The following ADAMTS17 variants were observed in gnomAD, a reference collection of about 807,000 sequenced individuals.
ADAMTS17 encodes the protein ADAM metallopeptidase with thrombospondin type 1 motif 17.
Under a neutral mutation model 141.5 loss-of-function variants are expected in ADAMTS17, and 113 were observed. The ratio of observed to expected loss-of-function variants is 0.80; its 90% CI spans 0.69 to 0.93. The LOEUF (loss-of-function observed/expected upper bound fraction) is 0.93, where lower values mean the gene tolerates loss of function less well. Ranked by LOEUF, ADAMTS17 falls within the 40% of genes least tolerant of loss-of-function variation. The probability of loss-of-function intolerance (pLI) is 0.00; values close to 1 mark genes in which losing one functional copy is unlikely to be tolerated. For synonymous variants in ADAMTS17, 768 were observed against 630.6 expected (o/e 1.22, Z -3.27); for missense variants, 1,659 against 1,517.9 (o/e 1.09, Z -1.54).
chr15:100,161,449 T>C (rs2039689961), intron 8 of ADAMTS17, among the ~76,000 whole-genome samples: 1 of 152,182 alleles, frequency 6.6e-6, no homozygotes, highest in African/African-American at 2.4e-5. Flanking sequence ...GAGCTTGGGC[T>C]CCCGTGAACA....
intron 18 of ADAMTS17, among the ~76,000 whole-genome samples, chr15:100,022,914 G>A (rs2573688): frequency 0.17 from 26,467 of 152,114 alleles, 3,313 homozygotes; most frequent in African/African-American, 0.35. Context: ...TCATCCATAT[G>A]CTTTTGAGAC....
At chr15:100,026,600 G>A (rs28691224) in intron 18 of ADAMTS17, among the ~76,000 whole-genome samples, 6,507 of 152,290 alleles carry the variant, frequency 0.043, 462 homozygotes, top group African/African-American at 0.15. Context: ...CACTTCAGTT[G>A]TCCTACAAAT....
At chr15:100,278,227 G>A (rs1279056370) in intron 4 of ADAMTS17, among the ~76,000 whole-genome samples, 2 of 151,928 alleles carry the variant, frequency 1.3e-5, no homozygotes, top group African/African-American at 4.8e-5. Context: ...GGATGGTGGT[G>A]GTGGTTGCAT....
intron 7 of ADAMTS17, among the ~76,000 whole-genome samples, chr15:100,211,296 C>T (rs79572234): frequency 0.27 from 18,257 of 66,460 alleles, 1,475 homozygotes; most frequent in Non-Finnish European, 0.3. Context: ...ACAACTTCAT[C>T]TCAAAAAAAA....
chr15:100,222,752 T>G (rs1374212509), intron 7 of ADAMTS17, among the ~76,000 whole-genome samples: 1 of 152,246 alleles, frequency 6.6e-6, no homozygotes, highest in Non-Finnish European at 1.5e-5. Context: ...CAGACACTCC[T>G]GCACAACAAG....
intron 7 of ADAMTS17, among the ~76,000 whole-genome samples, chr15:100,219,592 G>A (rs1347378493): frequency 6.6e-6 from 1 of 152,090 alleles, no homozygotes; most frequent in Non-Finnish European, 1.5e-5. Flanking sequence ...CCCAGTTCGA[G>A]GCAAACTGCC....
At chr15:100,083,890 C>A (rs1433243117) in intron 15 of ADAMTS17, among the ~76,000 whole-genome samples, 2 of 151,902 alleles carry the variant, frequency 1.3e-5, no homozygotes, top group African/African-American at 4.8e-5. Context: ...ATAGGAACAG[C>A]TCCAGTCTAC....
intron 7 of ADAMTS17, among the ~76,000 whole-genome samples, chr15:100,239,823 G>C (rs2042774116): frequency 6.6e-6 from 1 of 152,166 alleles, no homozygotes. Context: ...AATTCCATCA[G>C]GGCCTTACAA....
chr15:100,004,806 A>C (rs2061006045), intron 18 of ADAMTS17, among the ~76,000 whole-genome samples: 1 of 152,084 alleles, frequency 6.6e-6, no homozygotes. Flanking sequence ...TTTTTAGTAG[A>C]GATGGGGTTT....
intron 8 of ADAMTS17, among the ~76,000 whole-genome samples, chr15:100,177,234 TAGC>T (rs1435005324): frequency 6.6e-6 from 1 of 152,266 alleles, no homozygotes; most frequent in Non-Finnish European, 1.5e-5. Flanking sequence ...AGTAGGAACT[TAGC>T]AATTATTCAT....
intron 17 of ADAMTS17, among the ~76,000 whole-genome samples, chr15:100,050,244 C>A (rs976359490): frequency 3.3e-5 from 5 of 152,352 alleles, no homozygotes; most frequent in Non-Finnish European, 5.9e-5. Flanking sequence ...ACCAAGCCAA[C>A]AGCAACAGAA....
chr15:100,271,389 T>C (rs575595548), intron 4 of ADAMTS17, among the ~76,000 whole-genome samples: 15 of 150,380 alleles, frequency 1.0e-4, no homozygotes, highest in Admixed American at 4.1e-4. Context: ...TCAACACTTC[T>C]GTTTTGTTTT....
intron 7 of ADAMTS17, among the ~76,000 whole-genome samples, chr15:100,226,628 G>A (rs995092838): frequency 2.0e-5 from 3 of 152,202 alleles, no homozygotes; most frequent in Admixed American, 6.5e-5. Flanking sequence ...GGCTTGATAT[G>A]CCTGGAAAGG....
chr15:100,214,680 G>A (rs1011827962), intron 7 of ADAMTS17, among the ~76,000 whole-genome samples: 3 of 152,008 alleles, frequency 2.0e-5, no homozygotes, highest in Non-Finnish European at 4.4e-5. Context: ...CTATTCTTCC[G>A]GGCACTGGAA....
chr15:100,108,988 C>T lies in ADAMTS17; in HGVS notation c.2016+1G>A. ...CAAGGACCGAAGGAGAAGTACGTCA[C>T]CTGGCACTTGCCGTGCACGCAGAGA... On this transcript the variant is annotated splice_donor_variant, in intron 14 of 21. Transcript: ENST00000268070. LOFTEE classifies it high-confidence loss of function. 1 of 1,613,940 alleles carries T rather than the reference C, an allele frequency of 6.2e-7. No homozygotes were observed. Among genetic ancestry groups the T allele is most frequent in the Non-Finnish European group, 8.5e-7 (1 of 1,179,994 alleles).
At chr15:100,135,967 G>C (rs371317717) in intron 10 of ADAMTS17, among the ~76,000 whole-genome samples, 2 of 152,220 alleles carry the variant, frequency 1.3e-5, no homozygotes, top group Admixed American at 6.5e-5. Context: ...GGTCCTTTTG[G>C]ATGCTGAGAA....
chr15:100,341,934 C>G lies in ADAMTS17; in HGVS notation c.-35G>C, dbSNP rs894666396. ...GACCGGCAGCCCCCCCGGACCGTGG[C>G]GGCGAAGCAGGAGCGCGCTAGGCGG... On this transcript the variant is annotated 5_prime_UTR_variant, in exon 1 of 22. Transcript: ENST00000268070. The G allele has an allele frequency of 6.5e-7, 1 of 1,547,886 alleles. No individual in the cohort carries two copies.
At chr15:100,021,457 C>G (rs562046267) in intron 18 of ADAMTS17, among the ~76,000 whole-genome samples, 77 of 152,334 alleles carry the variant, frequency 5.1e-4, no homozygotes, top group African/African-American at 1.7e-3. Context: ...CCATAACAGT[C>G]TCCTAACTGC....
chr15:100,196,678 C>T (rs2041130253), intron 8 of ADAMTS17, among the ~76,000 whole-genome samples: 1 of 152,230 alleles, frequency 6.6e-6, no homozygotes, highest in Non-Finnish European at 1.5e-5. Context: ...CCACTGTATT[C>T]CAAAATAGGG....
Sources: allele counts gnomAD v4.1 joint callset (sites outside exome capture counted in the v4.1 genomes callset), GRCh38; gene constraint gnomAD v4.1.1; transcripts MANE v1.5; gene names NCBI Gene and HGNC (gene_info 2026-07-23, HGNC 2026-07-21).